Variants in PCDHA11 observed in about 807,000 individuals in gnomAD.
The protein encoded by PCDHA11 is protocadherin alpha 11, also known as protocadherin alpha-11.
A neutral mutation model predicts 70.3 loss-of-function variants in PCDHA11; 61 were observed. The ratio of observed to expected loss-of-function variants is 0.87; its 90% CI spans 0.71 to 1.07. PCDHA11 has a LOEUF of 1.07. Among genes scored for constraint, PCDHA11 ranks in the 50% least tolerant of loss-of-function variants. The probability of loss-of-function intolerance (pLI) is 0.00; values close to 1 mark genes in which losing one functional copy is unlikely to be tolerated. For missense variants in PCDHA11, 1,324 were observed against 1,237.5 expected, an observed-to-expected ratio of 1.07 and a Z score of -1.05; for synonymous variants, 633 against 555.1, an observed-to-expected ratio of 1.14 and a Z score of -1.97.
chr5:140,869,431 G>T lies in PCDHA11; in HGVS notation c.328G>T (p.Val110Leu), dbSNP rs782430805. ...GTGCAGCATCCACCTGGAGGTGATC[G>T]TGGACAGGCCGCTGCAGGTTTTCCA... is the stretch of plus-strand genomic sequence containing the variant. ...AECSIHLEVI[V>L]DRPLQVFHVN... Residue 110 changes from valine (V) to leucine (L), a missense_variant, in exon 1 of 4, where the codon GTG becomes TTG. Physicochemically the swap from Val to Leu is conservative, Grantham distance 32 (BLOSUM62 1). Transcript: ENST00000398640. The T allele has an allele frequency of 3.7e-6, 6 of 1,614,204 alleles. No individual in the cohort carries two copies. In the South Asian group the frequency reaches 5.5e-5, roughly 15 times the overall value.
At chr5:140,927,713 A>G in intron 1 of PCDHA11, 1 of 1,614,180 alleles carries the variant, frequency 6.2e-7, no homozygotes, top group Non-Finnish European at 8.5e-7. Flanking sequence ...TCCCTAAGCA[A>G]CAGCACGCAA....
chr5:140,929,074 G>T, intron 1 of PCDHA11: 2 of 1,614,182 alleles, frequency 1.2e-6, no homozygotes, highest in South Asian at 2.2e-5. Flanking sequence ...TCTGAGGTAT[G>T]GAAGTAAGAT....
intron 1 of PCDHA11, among the ~76,000 whole-genome samples, chr5:140,908,751 C>T (rs1302522906): frequency 6.6e-6 from 1 of 152,170 alleles, no homozygotes; most frequent in Non-Finnish European, 1.5e-5. Context: ...GCAACTTGCA[C>T]ACAGCCTGGA....
At chr5:140,882,936 C>T (rs782513929) in intron 1 of PCDHA11, 5 of 1,614,082 alleles carry the variant, frequency 3.1e-6, no homozygotes, top group Non-Finnish European at 4.2e-6. Flanking sequence ...CCCGAGCTGA[C>T]TGGCACAGTT....
At chr5:140,967,424 G>A (rs1554229541) in intron 1 of PCDHA11, 4 of 1,613,184 alleles carry the variant, frequency 2.5e-6, no homozygotes, top group Non-Finnish European at 2.5e-6. Context: ...CCGGGAGCAG[G>A]CAGCCTTGCA....
At chr5:140,960,131 C>T (rs781965980) in intron 1 of PCDHA11, among the ~76,000 whole-genome samples, 11 of 152,114 alleles carry the variant, frequency 7.2e-5, no homozygotes, top group African/African-American at 9.7e-5. Context: ...TTATGAAATA[C>T]TTAGATATTA....
intron 1 of PCDHA11, chr5:140,928,174 C>T (rs2085016971): frequency 1.9e-6 from 3 of 1,614,060 alleles, no homozygotes; most frequent in African/African-American, 1.3e-5. Flanking sequence ...ACTTAGCACC[C>T]GAAGGACAAT....
intron 1 of PCDHA11, among the ~76,000 whole-genome samples, chr5:140,935,636 G>A (rs1554210607): frequency 6.6e-6 from 1 of 152,052 alleles, no homozygotes; most frequent in African/African-American, 2.4e-5. Context: ...TTTAGGGCTT[G>A]CTTTTTAAAT....
intron 1 of PCDHA11, chr5:140,967,256 G>T: frequency 6.2e-7 from 1 of 1,613,524 alleles, no homozygotes; most frequent in Non-Finnish European, 8.5e-7. Flanking sequence ...GGTGGCGCCT[G>T]GAGCGCGCTT....
chr5:140,877,389 G>T, intron 1 of PCDHA11: 1 of 1,613,994 alleles, frequency 6.2e-7, no homozygotes, highest in Non-Finnish European at 8.5e-7. Context: ...TCCTGGATGA[G>T]GCGGACGCTC....
At chr5:140,922,316 A>G (rs983729529) in intron 1 of PCDHA11, among the ~76,000 whole-genome samples, 5 of 152,248 alleles carry the variant, frequency 3.3e-5, no homozygotes, top group Middle Eastern at 3.2e-3. Context: ...TTCACTGAAG[A>G]TCTTGGAAAG....
At chr5:141,000,415 ATATATATTTTTTTT>A (rs2097922429) in intron 3 of PCDHA11, among the ~76,000 whole-genome samples, 2 of 87,398 alleles carry the variant, frequency 2.3e-5, no homozygotes, top group Non-Finnish European at 4.3e-5. Flanking sequence ...ATATATATAT[ATATATATTTTTTTT>A]TTTTTTTTTT....
At chr5:140,919,940 A>C (rs1162813087) in intron 1 of PCDHA11, among the ~76,000 whole-genome samples, 3 of 152,064 alleles carry the variant, frequency 2.0e-5, no homozygotes, top group African/African-American at 7.2e-5. Context: ...GGCTAATTCC[A>C]GTGAAAAGTT....
chr5:140,968,121 T>C (rs1554230356), intron 1 of PCDHA11: 2 of 1,614,180 alleles, frequency 1.2e-6, no homozygotes, highest in Non-Finnish European at 1.7e-6. Flanking sequence ...CTCACATCCC[T>C]GCGTACACTG....
intron 1 of PCDHA11, among the ~76,000 whole-genome samples, chr5:140,920,717 G>A (rs1042476401): frequency 1.3e-5 from 2 of 152,044 alleles, no homozygotes; most frequent in African/African-American, 2.4e-5. Flanking sequence ...GGTGGTGTGC[G>A]CCTGCAGTCC....
intron 1 of PCDHA11, among the ~76,000 whole-genome samples, chr5:140,934,787 C>A (rs1383149637): frequency 6.6e-6 from 1 of 152,096 alleles, no homozygotes; most frequent in African/African-American, 2.4e-5. Context: ...CAATCCATGT[C>A]AATTATCTTT....
At chr5:140,971,435 T>A (rs1188604248) in intron 1 of PCDHA11, among the ~76,000 whole-genome samples, 1 of 152,190 alleles carries the variant, frequency 6.6e-6, no homozygotes, top group Non-Finnish European at 1.5e-5. Flanking sequence ...AACCCCAAGA[T>A]CTACAGCTCC....
chr5:140,882,072 T>A (rs1340000642), intron 1 of PCDHA11: 5 of 861,462 alleles, frequency 5.8e-6, no homozygotes, highest in Non-Finnish European at 7.0e-6. Flanking sequence ...TTCATGCGCA[T>A]GGTGTCGCTC....
rs1398153775 is a variant in PCDHA11, at chr5:140,869,752, G to T, written c.649G>T (p.Gly217Trp). Residue 217 changes from glycine (G) to tryptophan (W), a missense_variant, in exon 1 of 4, where the codon GGG (glycine) becomes TGG (tryptophan). Gly to Trp is a radical substitution (Grantham distance 184). Coordinates refer to ENST00000398640, the MANE Select transcript of PCDHA11 (RefSeq NM_018902.5). ...TAATTTGCTGCTAACAGCTACAGAC[G>T]GGGGAAAACCAGAGCTTACTGGCAC... ...ELNLLLTATD[G>W]GKPELTGTVR... 12 of 1,613,018 alleles carry T rather than the reference G, an allele frequency of 7.4e-6. No homozygotes were observed. The highest frequency in any genetic ancestry group is 1.0e-5 in the Non-Finnish European group (12 of 1,179,744).
Sources: gnomAD v4.1 joint callset for allele counts (sites outside exome capture counted in the v4.1 genomes callset) on GRCh38, gnomAD v4.1.1 for gene constraint, MANE v1.5 for transcripts, NCBI Gene and HGNC (gene_info 2026-07-23, HGNC 2026-07-21) for gene names.